ECT2L: variants seen among roughly 807,000 people sequenced by gnomAD.
ECT2L encodes epithelial cell transforming 2 like.
A neutral mutation model predicts 122.8 loss-of-function variants in ECT2L; 126 were observed. The ratio of observed to expected loss-of-function variants is 1.03; its 90% CI spans 0.89 to 1.19. The LOEUF (loss-of-function observed/expected upper bound fraction) is 1.19, where lower values mean the gene tolerates loss of function less well. Among genes scored for constraint, ECT2L ranks in the 50% most tolerant of loss-of-function variants. The pLI, the probability that ECT2L is intolerant of heterozygous loss-of-function variation, is 0.00. For synonymous variants in ECT2L, 385 were observed against 381.8 expected, an observed-to-expected ratio of 1.01 and a Z score of -0.10; for missense variants, 1,012 against 1,064.1, an observed-to-expected ratio of 0.95 and a Z score of 0.68.
intron 14 of ECT2L, among the ~76,000 whole-genome samples, chr6:138,879,895 G>T (rs975077610): frequency 2.6e-5 from 4 of 152,202 alleles, no homozygotes; most frequent in Admixed American, 2.0e-4. Context: ...GGAGGTTGCA[G>T]TGAGCTGAGA....
intron 6 of ECT2L, 50 bp from the exon 7 acceptor site, chr6:138,844,362 T>G: frequency 6.3e-7 from 1 of 1,592,042 alleles, no homozygotes; most frequent in African/African-American, 1.3e-5. Flanking sequence ...TGGACTTGGC[T>G]GGGAGAAGTA....
intron 4 of ECT2L, among the ~76,000 whole-genome samples, chr6:138,833,608 G>A (rs978629056): frequency 6.6e-6 from 1 of 152,010 alleles, no homozygotes; most frequent in African/African-American, 2.4e-5. Context: ...TTTGAGACCA[G>A]CCTGGCCAAC....
intron 14 of ECT2L, 110 bp downstream of exon 14, chr6:138,876,668 A>AC (rs1433030197): frequency 0.011 from 6,264 of 552,724 alleles, 2 homozygotes; most frequent in South Asian, 0.025. Flanking sequence ...CCTTTGGGGG[A>AC]TTAAAAAAAA....
At chr6:138,853,160 G>A (rs959536220) in intron 9 of ECT2L, among the ~76,000 whole-genome samples, 11 of 152,018 alleles carry the variant, frequency 7.2e-5, no homozygotes, top group Non-Finnish European at 1.6e-4. Flanking sequence ...TAGAGATGGG[G>A]TTTCACCATA....
chr6:138,890,204 A>G (rs77242959), intron 20 of ECT2L, among the ~76,000 whole-genome samples: 3,521 of 152,290 alleles, frequency 0.023, 127 homozygotes, highest in African/African-American at 0.075. Context: ...CTTTCTTTAC[A>G]TAAGTTTGAT....
intron 13 of ECT2L, 89 bp from the exon 14 acceptor site, chr6:138,876,383 G>T (rs765880996): frequency 1.7e-5 from 14 of 808,772 alleles, no homozygotes; most frequent in South Asian, 4.9e-5. Context: ...GAAGGCAGAG[G>T]CTTCTGAGGG....
rs772372975 is a variant in ECT2L, at chr6:138,885,776, G to C, written c.2205G>C (p.Gly735=). Residue 735 remains glycine, a synonymous_variant, in exon 18 of 22, where the codon GGG becomes GGC. Coordinates refer to ENST00000541398, the MANE Select transcript of ECT2L (RefSeq NM_001077706.3). ...LHTPAEHVDR[G]DLTTAIDQIK... ...CCCCTGCAGAGCATGTTGACCGTGG[G>C]GACTTGACCACTGCAATTGACCAAA... is the stretch of plus-strand genomic sequence containing the variant. 1.0e-4 allele frequency: 169 copies of C among 1,613,980 alleles called. No homozygotes were observed. The highest frequency in any genetic ancestry group is 1.4e-4 in the Non-Finnish European group (163 of 1,180,026).
At chr6:138,901,304 G>A (rs1221132100) in intron 21 of ECT2L, among the ~76,000 whole-genome samples, 184 bp downstream of exon 21, 1 of 152,178 alleles carries the variant, frequency 6.6e-6, no homozygotes, top group Admixed American at 6.5e-5. Context: ...GTTAAAGACA[G>A]GGCTTCTGGC....
At chr6:138,799,285 G>A (rs560132424) in intron 1 of ECT2L, among the ~76,000 whole-genome samples, 2,117 of 150,734 alleles carry the variant, frequency 0.014, 16 homozygotes, top group Non-Finnish European at 0.02. Flanking sequence ...ACGGAGTCTC[G>A]CTCTGTCACC....
At chr6:138,810,345 T>C (rs911548390) in intron 1 of ECT2L, among the ~76,000 whole-genome samples, 1 of 152,102 alleles carries the variant, frequency 6.6e-6, no homozygotes, top group Non-Finnish European at 1.5e-5. Context: ...GTCACACCAT[T>C]GTTAGGATCT....
intron 10 of ECT2L, among the ~76,000 whole-genome samples, chr6:138,854,916 C>T (rs1777564797): frequency 6.6e-6 from 1 of 151,978 alleles, no homozygotes; most frequent in Non-Finnish European, 1.5e-5. Context: ...TGCATTCATG[C>T]ACAATGTTTA....
chr6:138,802,095 G>C (rs547853679), intron 1 of ECT2L, among the ~76,000 whole-genome samples: 28 of 152,362 alleles, frequency 1.8e-4, no homozygotes, highest in African/African-American at 5.0e-4. Context: ...GGGTGGAAGT[G>C]AGTTGCCATT....
chr6:138,886,589 T>G (rs564505587), intron 18 of ECT2L, among the ~76,000 whole-genome samples: 6 of 151,920 alleles, frequency 3.9e-5, no homozygotes, highest in African/African-American at 7.3e-5. Flanking sequence ...TTGGCTTTTT[T>G]AAAATGTGTG....
In ECT2L at chr6:138,902,809, A is replaced by C; in HGVS notation, c.*182A>C. 3.0e-6 allele frequency: 2 copies of C among 656,472 alleles called. No individual in the cohort carries two copies. Among genetic ancestry groups the C allele is most frequent in the Non-Finnish European group, 2.5e-6 (1 of 407,110 alleles). The allele number at this position is 656,472 out of a possible 1,614,324, so 40.7% of individuals were successfully genotyped here. ...TATCACTTGTGCTCACTTATGTAGAATGTATAAGTACATTTTGAGTCCAAA... is the reference window on the plus strand; with the variant it reads ...TATCACTTGTGCTCACTTATGTAGACTGTATAAGTACATTTTGAGTCCAAA... On this transcript the variant is annotated 3_prime_UTR_variant, in exon 22 of 22. Coordinates refer to ENST00000541398, the MANE Select transcript of ECT2L (RefSeq NM_001077706.3).
chr6:138,831,433 C>T (rs549627416), intron 4 of ECT2L, among the ~76,000 whole-genome samples: 177 of 152,338 alleles, frequency 1.2e-3, no homozygotes, highest in African/African-American at 4.1e-3. Context: ...TTCCCTCTTT[C>T]TCCATAGTTC....
At chr6:138,864,455 T>G (rs1777955228) in intron 11 of ECT2L, among the ~76,000 whole-genome samples, 1 of 152,196 alleles carries the variant, frequency 6.6e-6, no homozygotes, top group Non-Finnish European at 1.5e-5. Flanking sequence ...CCAGTAATTG[T>G]TTTTTAAGAA....
intron 12 of ECT2L, 87 bp from the exon 13 acceptor site, chr6:138,868,016 A>AC: frequency 1.4e-6 from 1 of 701,724 alleles, no homozygotes; most frequent in Non-Finnish European, 2.2e-6. Flanking sequence ...AAAAAAAAAA[A>AC]AAAGAAACTG....
chr6:138,824,307 T>G (rs1262003836), intron 4 of ECT2L, among the ~76,000 whole-genome samples: 1 of 150,408 alleles, frequency 6.6e-6, no homozygotes, highest in Non-Finnish European at 1.5e-5. Flanking sequence ...TAAAAGAAGT[T>G]AAAAAAAAAC....
chr6:138,841,803 A>G (rs1777048965), intron 5 of ECT2L, among the ~76,000 whole-genome samples: 1 of 152,198 alleles, frequency 6.6e-6, no homozygotes, highest in Non-Finnish European at 1.5e-5. Flanking sequence ...ATAGCCTTCA[A>G]ATAATTGTTT....
Sources: allele counts gnomAD v4.1 joint callset (sites outside exome capture counted in the v4.1 genomes callset), GRCh38; gene constraint gnomAD v4.1.1; transcripts MANE v1.5; gene names NCBI Gene and HGNC (gene_info 2026-07-23, HGNC 2026-07-21).